Variants in EP400 observed in about 807,000 individuals in gnomAD.
EP400 encodes E1A-binding protein p400.
A neutral mutation model predicts 354.1 loss-of-function variants in EP400; 105 were observed. That is an observed-to-expected ratio of 0.30 (90% CI 0.25 to 0.35). The LOEUF is 0.35. Ranked by LOEUF, EP400 falls within the 10% of genes least tolerant of loss-of-function variation. EP400 has a pLI of 1.00. For missense variants in EP400, 3,280 were observed against 4,121.0 expected, an observed-to-expected ratio of 0.80 and a Z score of 5.59; for synonymous variants, 1,646 against 1,716.9, an observed-to-expected ratio of 0.96 and a Z score of 1.02.
chr12:132,014,788 T>C (rs538183880), intron 19 of EP400, among the ~76,000 whole-genome samples: 3 of 152,312 alleles, frequency 2.0e-5, no homozygotes, highest in Non-Finnish European at 4.4e-5. Flanking sequence ...TGTGGGGAGA[T>C]GACATGGGGA....
In EP400 at chr12:132,023,886, C is replaced by T; in HGVS notation, c.4800C>T (p.Thr1600=). ...TGCAGTTCCAGGGCAGCAAGTTCAC[C>T]CTGTCACACAGCCAGCTCCGGCAGC... ...VTLQFQGSKF[T]LSHSQLRQLT... The change falls in exon 24 of 53, where the codon ACC becomes ACT. Residue 1600 remains threonine, a synonymous_variant. Transcript: ENST00000389561. 1 of 1,613,268 alleles carries T rather than the reference C, an allele frequency of 6.2e-7. No homozygotes were observed. Among genetic ancestry groups the T allele is most frequent in the Non-Finnish European group, 8.5e-7 (1 of 1,179,740 alleles).
intron 2 of EP400, among the ~76,000 whole-genome samples, chr12:131,970,203 A>C (rs1394773576): frequency 2.0e-5 from 3 of 152,278 alleles, no homozygotes; most frequent in Admixed American, 2.0e-4. Context: ...TTAGAACAGT[A>C]GGACAATAGG....
intron 19 of EP400, among the ~76,000 whole-genome samples, chr12:132,016,273 A>G (rs1893929266): frequency 6.6e-6 from 1 of 151,926 alleles, no homozygotes; most frequent in Non-Finnish European, 1.5e-5. Context: ...CTCAGCCCCC[A>G]TGCAATGTGC....
chr12:132,022,815 C>G (rs1197907712), intron 23 of EP400, among the ~76,000 whole-genome samples: 1 of 152,008 alleles, frequency 6.6e-6, no homozygotes, highest in African/African-American at 2.4e-5. Context: ...TGGCTCACAC[C>G]TGTAGGCCCA....
chr12:132,012,941 G>T (rs1314274620), intron 16 of EP400, 68 bp from the exon 17 acceptor site: 4 of 1,470,232 alleles, frequency 2.7e-6, no homozygotes, highest in Non-Finnish European at 3.6e-6. Flanking sequence ...TGGGAAGTGT[G>T]TGTCCTCAAG....
At chr12:131,998,933 T>TCTTTGTATACAGTCTTGTATACAAAGA (rs1893314311) in intron 12 of EP400, among the ~76,000 whole-genome samples, 1 of 142,760 alleles carries the variant, frequency 7.0e-6, no homozygotes, top group South Asian at 2.7e-4. Context: ...GTATACAAAG[T>TCTTTGTATACAGTCTTGTATACAAAGA]CTTTGTATAC....
Position 131,986,565 on chromosome 12 carries a change from C to T in EP400, c.1981C>T (p.Pro661Ser). 6.2e-7 allele frequency: 1 copy of T among 1,613,950 alleles called. No homozygotes were observed. The highest frequency in any genetic ancestry group is 1.1e-5 in the South Asian group (1 of 91,078). ...GGACCCTGCCCCGCCCTGCCCACGG[C>T]CTCTGCCCACCTCTTCTACCTCGTC... ...PVDPAPPCPR[P>S]LPTSSTSSLA... is the part of the protein sequence containing the mutation. The change falls in exon 6 of 53, where the codon CCT (proline) becomes TCT (serine). Residue 661 changes from proline to serine, a missense_variant. Around this residue, in one of 20 missense-constraint regions of EP400, gnomAD observed 800 missense variants for 840.0 expected, o/e 0.95. Coordinates refer to ENST00000389561, the MANE Select transcript of EP400 (RefSeq NM_015409.5).
intron 12 of EP400, among the ~76,000 whole-genome samples, chr12:131,996,583 G>A (rs992005722): frequency 2.0e-5 from 3 of 152,006 alleles, no homozygotes; most frequent in Non-Finnish European, 2.9e-5. Context: ...GAGCCACCGC[G>A]CCCAGCCTAA....
At chr12:132,035,038 A>C (rs1894647656) in intron 30 of EP400, among the ~76,000 whole-genome samples, 1 of 152,166 alleles carries the variant, frequency 6.6e-6, no homozygotes, top group African/African-American at 2.4e-5. Context: ...AATACCTCTT[A>C]AAAATCGAGA....
chr12:132,013,287 GA>G lies in EP400; in HGVS notation c.3611+111del. The G allele has an allele frequency of 6.9e-7, 1 of 1,454,646 alleles. No individual in the cohort carries two copies. The highest frequency in any genetic ancestry group is 9.2e-7 in the Non-Finnish European group (1 of 1,091,906). The allele number at this position is 1,454,646 out of a possible 1,614,324, so 90.1% of individuals were successfully genotyped here. A position where few individuals can be genotyped will look rare whatever the true frequency, so the allele number is the denominator to read the frequency against. ...CACAAACAATGGCCTTTGAGCTAGA[GA>G]ATTGCTTTTCATCTTCATCCCAGCA... On this transcript the variant is annotated intron_variant, in intron 17 of 52. Transcript: ENST00000389561. This position sits in a 1 kb window ranked among gnomAD's most constrained non-coding sequence, Gnocchi z 4.5.
intron 21 of EP400, among the ~76,000 whole-genome samples, chr12:132,019,283 C>T (rs1030921705): frequency 6.6e-6 from 1 of 152,166 alleles, no homozygotes; most frequent in Admixed American, 6.5e-5. Context: ...CTCAAGGGAC[C>T]CTCCTGCCTT....
chr12:132,064,909 T>C (rs1183098316), intron 48 of EP400, 23 bp downstream of exon 48: 2 of 1,580,058 alleles, frequency 1.3e-6, no homozygotes, highest in Non-Finnish European at 1.7e-6. Context: ...TTCTGTTTGT[T>C]TTCCAAAAGC....
chr12:131,966,575 A>G (rs1892094180), intron 2 of EP400, among the ~76,000 whole-genome samples: 1 of 149,976 alleles, frequency 6.7e-6, no homozygotes, highest in East Asian at 2.0e-4. Context: ...AAAAAAAAAA[A>G]AAAAAAAAAA....
At chr12:131,983,967 T>C (rs1892768142) in intron 5 of EP400, among the ~76,000 whole-genome samples, 1 of 152,178 alleles carries the variant, frequency 6.6e-6, no homozygotes, top group African/African-American at 2.4e-5. Context: ...AGTGGCCCGA[T>C]CTCGGCTCAC....
intron 52 of EP400, 75 bp from the exon 53 acceptor site, chr12:132,077,326 C>G: frequency 6.5e-7 from 1 of 1,533,564 alleles, no homozygotes; most frequent in South Asian, 1.3e-5. Context: ...CCTCCCCATC[C>G]CAAAGAACGT....
chr12:131,987,577 G>C, intron 6 of EP400, 128 bp from the exon 7 acceptor site: 1 of 741,702 alleles, frequency 1.3e-6, no homozygotes, highest in South Asian at 2.5e-5. Context: ...CTGGGACCTT[G>C]TGCTTTCTCT....
chr12:132,024,702 A>G (rs1349396339), intron 24 of EP400, among the ~76,000 whole-genome samples: 3 of 130,058 alleles, frequency 2.3e-5, no homozygotes, highest in African/African-American at 8.8e-5. Context: ...ACCTTCCTCG[A>G]CAGCAGCCTC....
At chr12:131,953,111 A>G (rs1480192302) in intron 1 of EP400, among the ~76,000 whole-genome samples, 3 of 152,186 alleles carry the variant, frequency 2.0e-5, no homozygotes, top group Admixed American at 2.0e-4. Context: ...CTTAGGCATT[A>G]CAGTGATTTG....
Position 132,029,966 on chromosome 12 carries a change from T to C in EP400, c.5585-23T>C. The C allele has an allele frequency of 6.2e-7, 1 of 1,613,484 alleles. No homozygotes were observed. Among genetic ancestry groups the C allele is most frequent in the Non-Finnish European group, 8.5e-7 (1 of 1,179,982 alleles). On this transcript the variant is annotated intron_variant, in intron 28 of 52. Transcript: ENST00000389561. The surrounding 1 kb of genome is among the most constrained non-coding windows in gnomAD (Gnocchi z 4.7). ...GCACCGGCCCTGGATGATGAGGCGC[T>C]CTTGATGTGATTCGTTTCCCAGGGA...
Sources: allele counts gnomAD v4.1 joint callset (sites outside exome capture counted in the v4.1 genomes callset), GRCh38; gene constraint gnomAD v4.1.1; regional missense constraint gnomAD v4.1.1; non-coding constraint Gnocchi (gnomAD v3.1); transcripts MANE v1.5; gene names NCBI Gene and HGNC (gene_info 2026-07-23, HGNC 2026-07-21).